Variants in SNX29 observed in about 807,000 individuals in gnomAD.
SNX29 encodes sorting nexin-29.
A neutral mutation model predicts 102.1 loss-of-function variants in SNX29; 78 were observed. That is an observed-to-expected ratio of 0.76 (90% CI 0.64 to 0.92). SNX29 has a LOEUF of 0.92. Ranked by LOEUF, SNX29 falls within the 40% of genes least tolerant of loss-of-function variation. The pLI is 0.00. For synonymous variants in SNX29, 580 were observed against 414.5 expected (o/e 1.40, Z -4.85); for missense variants, 1,280 against 1,061.7 (o/e 1.21, Z -2.86).
chr16:12,032,396 C>T (rs1424529767), intron 4 of SNX29, among the ~76,000 whole-genome samples: 5 of 151,974 alleles, frequency 3.3e-5, no homozygotes, highest in African/African-American at 9.6e-5. Context: ...TTAGTAGATA[C>T]GTGGTTTCAC....
At chr16:12,328,959 C>A (rs1285844072) in intron 15 of SNX29, among the ~76,000 whole-genome samples, 1 of 151,922 alleles carries the variant, frequency 6.6e-6, no homozygotes, top group Admixed American at 6.6e-5. Flanking sequence ...CCTTGGTGGG[C>A]TTTTCATCTA....
intron 11 of SNX29, chr16:12,082,016 G>A (rs1183865947): frequency 1.3e-5 from 2 of 152,280 alleles, no homozygotes; most frequent in Non-Finnish European, 2.9e-5. Context: ...CTGAACTGAT[G>A]GTAATGGAGA....
chr16:12,133,414 T>C (rs1038170457), intron 13 of SNX29, among the ~76,000 whole-genome samples: 5 of 150,546 alleles, frequency 3.3e-5, no homozygotes, highest in African/African-American at 1.2e-4. Context: ...CTTCAGCCTC[T>C]GAGTAGCTGG....
chr16:12,254,780 G>T (rs1425228281), intron 14 of SNX29, among the ~76,000 whole-genome samples: 1 of 152,198 alleles, frequency 6.6e-6, no homozygotes, highest in African/African-American at 2.4e-5. Flanking sequence ...AATGAGGCAA[G>T]CGCAGTTGGT....
At chr16:12,534,450 C>G (rs887964170) in intron 20 of SNX29, among the ~76,000 whole-genome samples, 1 of 152,196 alleles carries the variant, frequency 6.6e-6, no homozygotes, top group Non-Finnish European at 1.5e-5. Context: ...AGAAAGAACG[C>G]AGATTAGGGA....
chr16:12,446,245 G>C (rs190256767), intron 18 of SNX29, among the ~76,000 whole-genome samples: 94 of 151,974 alleles, frequency 6.2e-4, no homozygotes, highest in African/African-American at 2.1e-3. Context: ...TAGTAGAGAC[G>C]GGGTTTCACC....
At chr16:12,363,918 G>C (rs534039779) in intron 16 of SNX29, among the ~76,000 whole-genome samples, 3 of 152,310 alleles carry the variant, frequency 2.0e-5, no homozygotes, top group Admixed American at 6.5e-5. Context: ...GGTGCCAACA[G>C]GATGCTCAAA....
intron 11 of SNX29, among the ~76,000 whole-genome samples, chr16:12,092,228 C>T (rs1467470326): frequency 2.0e-5 from 3 of 152,208 alleles, no homozygotes; most frequent in South Asian, 2.1e-4. Context: ...TAGTTAATTG[C>T]CATTTTCCTC....
intron 14 of SNX29, among the ~76,000 whole-genome samples, chr16:12,234,154 C>T (rs1379340038): frequency 1.3e-5 from 2 of 152,156 alleles, no homozygotes; most frequent in Non-Finnish European, 2.9e-5. Context: ...ACCTTCCCAC[C>T]AGCAGTGAAT....
intron 14 of SNX29, among the ~76,000 whole-genome samples, chr16:12,269,894 T>C (rs916390879): frequency 6.6e-6 from 1 of 151,958 alleles, no homozygotes; most frequent in Admixed American, 6.6e-5. Context: ...GGGGTCTCAC[T>C]CTGTTGCCCA....
intron 19 of SNX29, chr16:12,515,411 G>A (rs2089819523): frequency 6.9e-6 from 3 of 436,992 alleles, no homozygotes; most frequent in Non-Finnish European, 4.6e-6. Flanking sequence ...CTGAATGAGA[G>A]GATGAATGAT....
intron 16 of SNX29, chr16:12,372,433 T>C (rs765961975): frequency 3.3e-5 from 5 of 152,222 alleles, no homozygotes; most frequent in South Asian, 2.1e-4. Flanking sequence ...TGTTGTTCTT[T>C]GTTTATTCAT....
intron 19 of SNX29, among the ~76,000 whole-genome samples, chr16:12,503,511 C>G (rs2089224715): frequency 6.6e-6 from 1 of 151,992 alleles, no homozygotes. Context: ...TGGGGGATGC[C>G]CAGGGAGTAT....
chr16:12,245,575 G>T (rs1320595733), intron 14 of SNX29, among the ~76,000 whole-genome samples: 2 of 151,826 alleles, frequency 1.3e-5, no homozygotes. Context: ...TAGAGTGATT[G>T]TAGTTTATTT....
chr16:12,439,989 C>T (rs1204948377), intron 18 of SNX29, among the ~76,000 whole-genome samples: 1 of 152,178 alleles, frequency 6.6e-6, no homozygotes, highest in African/African-American at 2.4e-5. Flanking sequence ...GGGATGCAGC[C>T]CAACTCTGCC....
At chr16:12,502,062 C>T (rs1230216668) in intron 19 of SNX29, among the ~76,000 whole-genome samples, 3 of 152,194 alleles carry the variant, frequency 2.0e-5, no homozygotes, top group Non-Finnish European at 2.9e-5. Flanking sequence ...TTGGTGAGAA[C>T]ATGGGACCTG....
chr16:12,551,195 C>G (rs2077954782), intron 20 of SNX29, among the ~76,000 whole-genome samples: 1 of 151,750 alleles, frequency 6.6e-6, no homozygotes, highest in African/African-American at 2.4e-5. Flanking sequence ...CCACAGAGAG[C>G]CTTTAGGAAC....
Position 12,570,441 on chromosome 16 carries a change from TAATG to T in SNX29, c.*1813_*1816del, listed in dbSNP as rs2079163291. 2 of 243,326 alleles carry T rather than the reference TAATG, an allele frequency of 8.2e-6. No individual in the cohort carries two copies. Among genetic ancestry groups the T allele is most frequent in the Non-Finnish European group, 1.6e-5 (2 of 127,498 alleles). The allele number at this position is 243,326 out of a possible 1,614,324, so 15.1% of individuals were successfully genotyped here. ...ACTGGCAACTCTAAATAGAGAGCCCTAATGGACTGAGGCAGGAAACGTCTAAAAG... is the reference window on the plus strand; with the variant it reads ...ACTGGCAACTCTAAATAGAGAGCCCTGACTGAGGCAGGAAACGTCTAAAAG... On this transcript the variant is annotated 3_prime_UTR_variant, in exon 21 of 21. Coordinates refer to ENST00000566228, the MANE Select transcript of SNX29 (RefSeq NM_032167.5).
intron 11 of SNX29, among the ~76,000 whole-genome samples, chr16:12,113,587 G>A (rs957330464): frequency 2.6e-5 from 4 of 152,150 alleles, no homozygotes; most frequent in African/African-American, 9.7e-5. Flanking sequence ...AGCCTGAAGG[G>A]GAAGGAAGCT....
Sources: gnomAD v4.1 joint callset for allele counts (sites outside exome capture counted in the v4.1 genomes callset) on GRCh38, gnomAD v4.1.1 for gene constraint, MANE v1.5 for transcripts, NCBI Gene and HGNC (gene_info 2026-07-23, HGNC 2026-07-21) for gene names.